Variants in UBE3D observed in about 807,000 individuals in gnomAD.
UBE3D encodes the protein E3 ubiquitin-protein ligase E3D.
A neutral mutation model predicts 49.6 loss-of-function variants in UBE3D; 48 were observed. The observed-to-expected ratio is 0.97, with a 90% CI of 0.77 to 1.23. The LOEUF is 1.23. Ranked by LOEUF, UBE3D falls within the 50% of genes most tolerant of loss-of-function variation. The pLI is 0.00. For missense variants in UBE3D, 452 were observed against 468.4 expected, an observed-to-expected ratio of 0.96 and a Z score of 0.32; for synonymous variants, 189 against 174.2, an observed-to-expected ratio of 1.08 and a Z score of -0.67.
At chr6:82,918,762 A>C (rs1350078828) in intron 9 of UBE3D, among the ~76,000 whole-genome samples, 1 of 151,596 alleles carries the variant, frequency 6.6e-6, no homozygotes, top group South Asian at 2.1e-4. Context: ...GATAGTATCA[A>C]GGAACTGAAA....
At position 82,966,446 on chromosome 6, in the gene UBE3D, C is replaced by G. The variant is rs1453176632; in HGVS notation, c.1011-8996G>C. Among the ~76,000 whole-genome samples, 14 of 74,086 alleles carry G rather than the reference C, an allele frequency of 1.9e-4. 4 individuals are homozygous for G. Among genetic ancestry groups the G allele is most frequent in the African/African-American group, 5.2e-4 (7 of 13,382 alleles). The allele number at this position is 74,086 out of a possible 152,430, so 48.6% of individuals were successfully genotyped here. On this transcript the variant is annotated intron_variant, in intron 8 of 9. Transcript: ENST00000369747. ...CGGGCGGATCACGAGGTCAGGAGAT[C>G]GAGACCATCCCGGCTAAAACGGTGA...
chr6:82,977,035 AC>A (rs1263461988), intron 8 of UBE3D, among the ~76,000 whole-genome samples: 2 of 148,642 alleles, frequency 1.3e-5, no homozygotes, highest in East Asian at 4.1e-4. Flanking sequence ...AATGGCGTCA[AC>A]CCGGGAGGCG....
At chr6:82,904,259 C>A (rs762210141) in intron 9 of UBE3D, among the ~76,000 whole-genome samples, 2 of 151,938 alleles carry the variant, frequency 1.3e-5, no homozygotes, top group Non-Finnish European at 2.9e-5. Context: ...TTGAAGGAAA[C>A]AATATTATTC....
downstream of UBE3D, among the ~76,000 whole-genome samples, chr6:82,891,642 CTAG>C (rs1343132179): frequency 1.3e-5 from 2 of 152,192 alleles, no homozygotes; most frequent in East Asian, 3.9e-4. Context: ...CACTGCTTTG[CTAG>C]TAAGACAAAT....
At chr6:82,964,392 A>G (rs111981973) in intron 8 of UBE3D, among the ~76,000 whole-genome samples, 17 of 152,284 alleles carry the variant, frequency 1.1e-4, no homozygotes, top group African/African-American at 4.1e-4. Context: ...CCAAAATTAA[A>G]ATATTTAAAA....
intron 9 of UBE3D, among the ~76,000 whole-genome samples, chr6:82,893,691 G>A (rs1033926128): frequency 6.6e-6 from 1 of 152,182 alleles, no homozygotes; most frequent in African/African-American, 2.4e-5. Context: ...GTGCCAATAT[G>A]AGGAAGAGAG....
chr6:83,038,629 A>G (rs1782437422), intron 4 of UBE3D, 144 bp from the exon 5 acceptor site: 4 of 693,092 alleles, frequency 5.8e-6, no homozygotes, highest in Non-Finnish European at 9.3e-6. Context: ...TTTAGCTTGT[A>G]TGCATAATTC....
chr6:82,893,824 C>T (rs17292069), intron 9 of UBE3D: 6,131 of 152,184 alleles, frequency 0.04, 207 homozygotes, highest in Admixed American at 0.1. Context: ...TCAATTGCAT[C>T]AGGAAATTTT....
Position 83,054,389 on chromosome 6 carries a change from C to T in UBE3D, c.275-151G>A, listed in dbSNP as rs1783677041. The T allele has an allele frequency of 1.3e-5, 8 of 611,458 alleles. No homozygotes were observed. The East Asian group carries it at 2.3e-4, about 17-fold the overall frequency. The allele number at this position is 611,458 out of a possible 1,614,324, so 37.9% of individuals were successfully genotyped here. ...ATTTAATTAATACTATCTGATGACT[C>T]AAGCAGAAGCAAATATTGTGAAGTG... On this transcript the variant is annotated intron_variant, in intron 2 of 9. Coordinates refer to ENST00000369747, the MANE Select transcript of UBE3D (RefSeq NM_198920.3).
chr6:82,999,184 C>T (rs898809191), intron 8 of UBE3D, among the ~76,000 whole-genome samples: 2 of 152,122 alleles, frequency 1.3e-5, no homozygotes, highest in Admixed American at 6.6e-5. Context: ...CTTCTCAAAA[C>T]CTATATGCAA....
At chr6:82,908,048 T>C (rs184865071) in intron 9 of UBE3D, among the ~76,000 whole-genome samples, 9 of 152,134 alleles carry the variant, frequency 5.9e-5, no homozygotes, top group Non-Finnish European at 1.3e-4. Context: ...TAGGGATAAA[T>C]TGCAAAAACA....
chr6:83,027,460 A>AAAAAAAAAAAAAAAAAAAAAAAAAAT (rs1472360166), intron 5 of UBE3D, among the ~76,000 whole-genome samples: 1 of 148,548 alleles, frequency 6.7e-6, no homozygotes, highest in Admixed American at 6.7e-5. Context: ...AAAAAAAAAA[A>AAAAAAAAAAAAAAAAAAAAAAAAAAT]AGAAACCACT....
At chr6:83,050,490 C>G (rs185736166) in intron 3 of UBE3D, among the ~76,000 whole-genome samples, 35 of 152,198 alleles carry the variant, frequency 2.3e-4, no homozygotes, top group Admixed American at 1.8e-3. Flanking sequence ...AACTCTGTTC[C>G]CCTGCTCCTA....
intron 8 of UBE3D, among the ~76,000 whole-genome samples, chr6:83,010,572 A>G (rs529439246): frequency 1.0e-4 from 15 of 149,738 alleles, no homozygotes; most frequent in African/African-American, 3.6e-4. Flanking sequence ...GGATGGAACT[A>G]ATAGGACAGA....
rs1582470689 is a variant in UBE3D, at chr6:82,959,740, A to G, written c.1011-2290T>C. Among the ~76,000 whole-genome samples the G allele has an allele frequency of 4.0e-5, 6 of 150,166 alleles. 1 individual carries two copies. Among genetic ancestry groups the G allele is most frequent in the African/African-American group, 1.5e-4 (6 of 41,126 alleles). On this transcript the variant is annotated intron_variant, in intron 8 of 9. Coordinates refer to ENST00000369747, the MANE Select transcript of UBE3D (RefSeq NM_198920.3). Reference sequence around the variant, plus strand: ...TCCAAAAAAAAAAAAAAAAAAAAAAAAAAAAGGATTGGCTCTGCTCCTAAG... The same window carrying G: ...TCCAAAAAAAAAAAAAAAAAAAAAAGAAAAAGGATTGGCTCTGCTCCTAAG...
chr6:82,907,349 A>G (rs771373903), intron 9 of UBE3D, among the ~76,000 whole-genome samples: 4 of 152,228 alleles, frequency 2.6e-5, no homozygotes, highest in Non-Finnish European at 5.9e-5. Flanking sequence ...AATACTCTCT[A>G]AACTCACAGG....
chr6:82,922,754 G>T (rs1773440977), intron 9 of UBE3D, among the ~76,000 whole-genome samples: 1 of 152,104 alleles, frequency 6.6e-6, no homozygotes, highest in African/African-American at 2.4e-5. Context: ...CACAGTAAAA[G>T]AAACAATCAT....
At chr6:83,014,884 G>T (rs752335667) in intron 8 of UBE3D, among the ~76,000 whole-genome samples, 13 of 152,162 alleles carry the variant, frequency 8.5e-5, no homozygotes, top group Non-Finnish European at 1.2e-4. Context: ...ATTCAAATTA[G>T]TCTGGAAGTT....
At chr6:83,059,155 G>A (rs1449946605) in intron 1 of UBE3D, among the ~76,000 whole-genome samples, 4 of 152,156 alleles carry the variant, frequency 2.6e-5, no homozygotes, top group African/African-American at 9.7e-5. Context: ...GCTGAGGTGG[G>A]AGGATGGTTT....
Sources: gnomAD v4.1 joint callset for allele counts (sites outside exome capture counted in the v4.1 genomes callset) on GRCh38, gnomAD v4.1.1 for gene constraint, MANE v1.5 for transcripts, NCBI Gene and HGNC (gene_info 2026-07-23, HGNC 2026-07-21) for gene names.